Variants in CCSER1 observed in about 807,000 individuals in gnomAD.
The protein encoded by CCSER1 is serine-rich coiled-coil domain-containing protein 1.
A neutral mutation model predicts 82.0 loss-of-function variants in CCSER1; 41 were observed. The ratio of observed to expected loss-of-function variants is 0.50; its 90% CI spans 0.39 to 0.65. The LOEUF is 0.65. Ranked by LOEUF, CCSER1 falls within the 30% of genes least tolerant of loss-of-function variation. The probability of loss-of-function intolerance (pLI) is 0.00; values close to 1 mark genes in which losing one functional copy is unlikely to be tolerated. For missense variants in CCSER1, 1,119 were observed against 1,064.2 expected, an observed-to-expected ratio of 1.05 and a Z score of -0.72; for synonymous variants, 414 against 383.9, an observed-to-expected ratio of 1.08 and a Z score of -0.92.
At chr4:90,993,462 A>AAT (rs1737213424) in intron 9 of CCSER1, among the ~76,000 whole-genome samples, 1 of 148,868 alleles carries the variant, frequency 6.7e-6, no homozygotes, top group African/African-American at 2.5e-5. Flanking sequence ...TTATTTCCTT[A>AAT]TTTTTTTTTT....
At chr4:90,708,749 C>T (rs1560989891) in intron 6 of CCSER1, among the ~76,000 whole-genome samples, 1 of 151,942 alleles carries the variant, frequency 6.6e-6, no homozygotes, top group Admixed American at 6.6e-5. Context: ...TATTTTAATC[C>T]AGTTATAGTT....
At chr4:91,424,629 T>C (rs1010213078) in intron 10 of CCSER1, among the ~76,000 whole-genome samples, 10 of 152,172 alleles carry the variant, frequency 6.6e-5, no homozygotes, top group African/African-American at 2.4e-4. Context: ...TATTGTATTA[T>C]ATGAGTTTCT....
intron 6 of CCSER1, among the ~76,000 whole-genome samples, chr4:90,645,011 G>C (rs1727268498): frequency 2.6e-5 from 4 of 151,416 alleles, no homozygotes; most frequent in Admixed American, 2.6e-4. Context: ...GAACCCAGGA[G>C]GTGGAGGTTG....
At chr4:90,296,688 T>C (rs543236681) in intron 1 of CCSER1, among the ~76,000 whole-genome samples, 1 of 152,306 alleles carries the variant, frequency 6.6e-6, no homozygotes, top group Non-Finnish European at 1.5e-5. Flanking sequence ...AAGGAAGGCA[T>C]CCAGTTTCAG....
At chr4:91,452,923 G>A (rs968067337) in intron 10 of CCSER1, among the ~76,000 whole-genome samples, 3 of 152,004 alleles carry the variant, frequency 2.0e-5, no homozygotes, top group African/African-American at 7.2e-5. Context: ...TTGCCGAATG[G>A]CAGTAAAGAT....
At chr4:90,780,099 A>T (rs2149605506) in intron 7 of CCSER1, among the ~76,000 whole-genome samples, 1 of 152,302 alleles carries the variant, frequency 6.6e-6, no homozygotes, top group Middle Eastern at 3.4e-3. Flanking sequence ...CTTTTTATTT[A>T]CTGTCAAAAG....
intron 1 of CCSER1, among the ~76,000 whole-genome samples, chr4:90,260,151 T>C (rs1724064042): frequency 1.3e-5 from 2 of 152,232 alleles, no homozygotes. Flanking sequence ...CACTTGGTAT[T>C]GGTCTGTTCA....
intron 10 of CCSER1, among the ~76,000 whole-genome samples, chr4:91,560,487 C>T (rs1043642787): frequency 2.6e-5 from 4 of 151,380 alleles, no homozygotes; most frequent in African/African-American, 9.7e-5. Flanking sequence ...ATTTTCTCCC[C>T]ATGGATGGAA....
At chr4:91,180,930 C>T (rs982730377) in intron 10 of CCSER1, among the ~76,000 whole-genome samples, 2 of 137,628 alleles carry the variant, frequency 1.5e-5, no homozygotes, top group African/African-American at 2.6e-5. Context: ...CAAATTAAAG[C>T]AATAGATTGG....
rs1400479138 is a variant in CCSER1, at chr4:90,308,986, A to G, written c.702A>G (p.Val234=). 2 of 1,613,836 alleles carry G rather than the reference A, an allele frequency of 1.2e-6. No individual in the cohort carries two copies. Among genetic ancestry groups the G allele is most frequent in the Admixed American group, 1.7e-5 (1 of 59,944 alleles). Reference sequence around the variant, plus strand: ...CTTCGCCATCCTGTTCTGTGGATGTAACAGAACGGGCAGGAAGCTCTTTAC... The same window carrying G: ...CTTCGCCATCCTGTTCTGTGGATGTGACAGAACGGGCAGGAAGCTCTTTAC... ...VRASPSCSVD[V]TERAGSSLQS... The change falls in exon 2 of 11, where the codon GTA becomes GTG. Residue 234 remains valine (V), a synonymous_variant. Transcript: ENST00000509176.
intron 8 of CCSER1, among the ~76,000 whole-genome samples, chr4:90,903,670 A>G (rs1725004653): frequency 6.6e-6 from 1 of 151,976 alleles, no homozygotes; most frequent in African/African-American, 2.4e-5. Flanking sequence ...CAGGGAACAG[A>G]TCTACTTCAA....
intron 9 of CCSER1, among the ~76,000 whole-genome samples, chr4:91,073,677 A>G (rs1187490879): frequency 1.3e-5 from 2 of 152,146 alleles, no homozygotes; most frequent in Admixed American, 6.6e-5. Context: ...GGAAGCTTAA[A>G]TAAGGCTGAC....
At chr4:90,513,670 G>A (rs1771863728) in intron 5 of CCSER1, among the ~76,000 whole-genome samples, 1 of 152,156 alleles carries the variant, frequency 6.6e-6, no homozygotes, top group Admixed American at 6.5e-5. Flanking sequence ...AAGAGTGTAT[G>A]ACTATGGGAA....
At chr4:90,206,261 G>T (rs895995951) in intron 1 of CCSER1, among the ~76,000 whole-genome samples, 2 of 151,914 alleles carry the variant, frequency 1.3e-5, no homozygotes, top group East Asian at 3.9e-4. Context: ...GTTTGCTCTT[G>T]CTTCTCTAGT....
At chr4:91,170,449 G>A (rs948356382) in intron 10 of CCSER1, among the ~76,000 whole-genome samples, 1 of 152,034 alleles carries the variant, frequency 6.6e-6, no homozygotes, top group African/African-American at 2.4e-5. Flanking sequence ...ACACGTGACT[G>A]TGTTATTTGT....
At chr4:91,060,847 A>G (rs922398494) in intron 9 of CCSER1, among the ~76,000 whole-genome samples, 8 of 152,148 alleles carry the variant, frequency 5.3e-5, no homozygotes, top group African/African-American at 1.9e-4. Context: ...AGTTTTTCAC[A>G]TATTCTCTCA....
intron 9 of CCSER1, among the ~76,000 whole-genome samples, chr4:91,002,290 G>A (rs1738103820): frequency 6.6e-6 from 1 of 152,184 alleles, no homozygotes; most frequent in African/African-American, 2.4e-5. Flanking sequence ...GTATTTGGAT[G>A]TCTAGGTCTC....
Position 90,586,583 on chromosome 4 carries a change from G to A in CCSER1, c.1725-41442G>A, listed in dbSNP as rs144308992. Among the ~76,000 whole-genome samples the A allele has an allele frequency of 5.0e-3, 760 of 152,218 alleles. 6 individuals carry two copies. The highest frequency in any genetic ancestry group is 0.017 in the African/African-American group (710 of 41,538). Reference sequence around the variant, plus strand: ...CATTAAGAATAATTTACTAATAGATGCATAATTGCTTAATATCCTACAGGG... The same window carrying A: ...CATTAAGAATAATTTACTAATAGATACATAATTGCTTAATATCCTACAGGG... On this transcript the variant is annotated intron_variant, in intron 5 of 10. Coordinates refer to ENST00000509176, the MANE Select transcript of CCSER1 (RefSeq NM_001145065.2).
At chr4:90,635,303 A>C (rs973477801) in intron 6 of CCSER1, among the ~76,000 whole-genome samples, 2 of 151,710 alleles carry the variant, frequency 1.3e-5, no homozygotes, top group Non-Finnish European at 3.0e-5. Flanking sequence ...AAGACACACT[A>C]TATACTGGGT....
Sources: gnomAD v4.1 joint callset for allele counts (sites outside exome capture counted in the v4.1 genomes callset) on GRCh38, gnomAD v4.1.1 for gene constraint, MANE v1.5 for transcripts, NCBI Gene and HGNC (gene_info 2026-07-23, HGNC 2026-07-21) for gene names.